Variants in CCL17 observed in about 807,000 individuals in gnomAD.
CCL17 encodes the protein C-C motif chemokine 17.
Under a neutral mutation model 7.4 loss-of-function variants are expected in CCL17, and 8 were observed. The observed-to-expected ratio is 1.09, with a 90% CI of 0.64 to 1.96. The LOEUF is 1.96. Ranked by LOEUF, CCL17 falls within the 30% of genes most tolerant of loss-of-function variation. CCL17 has a pLI of 0.00. For missense variants in CCL17, 102 were observed against 113.0 expected (o/e 0.90, Z 0.44); for synonymous variants, 40 against 46.1 (o/e 0.87, Z 0.54).
chr16:57,401,187 A>G (rs1902586775), upstream of CCL17, among the ~76,000 whole-genome samples: 1 of 152,150 alleles, frequency 6.6e-6, no homozygotes, highest in African/African-American at 2.4e-5. Context: ...CAAGATGTGG[A>G]AGTATAGATA....
the CCL17 span, among the ~76,000 whole-genome samples, chr16:57,397,978 A>AT: frequency 2.0e-5 from 3 of 152,190 alleles, no homozygotes; most frequent in African/African-American, 7.2e-5. Context: ...CTTGGGTGGC[A>AT]TAAGTCTGGG....
chr16:57,398,588 C>G, the CCL17 span, among the ~76,000 whole-genome samples: 1 of 151,846 alleles, frequency 6.6e-6, no homozygotes, highest in Non-Finnish European at 1.5e-5. Context: ...CCAAGGAACC[C>G]CTGCAACTGT....
intron 1 of CCL17, among the ~76,000 whole-genome samples, chr16:57,405,397 G>A (rs1450160174): frequency 6.6e-6 from 1 of 152,238 alleles, no homozygotes; most frequent in Non-Finnish European, 1.5e-5. Flanking sequence ...CTGATGTAAT[G>A]TGGGGGATGG....
At position 57,415,910 on chromosome 16, in the gene CCL17, C is replaced by G. The variant is rs1902863004; in HGVS notation, c.*49C>G. Reference sequence around the variant, plus strand: ...ACTGTCTCCCGGGACTACCTGGGACCTCCACCGTTGGTGTTCACCGCCCCC... The same window carrying G: ...ACTGTCTCCCGGGACTACCTGGGACGTCCACCGTTGGTGTTCACCGCCCCC... On this transcript the variant is annotated 3_prime_UTR_variant, in exon 4 of 4. Transcript: ENST00000219244. This position sits in a 1 kb window ranked among gnomAD's most constrained non-coding sequence, Gnocchi z 4.5. 7.9e-7 allele frequency: 1 copy of G among 1,272,876 alleles called. No homozygotes were observed. Among genetic ancestry groups the G allele is most frequent in the Non-Finnish European group, 1.1e-6 (1 of 870,536 alleles). The allele number at this position is 1,272,876 out of a possible 1,614,324, so 78.8% of individuals were successfully genotyped here. A position where few individuals can be genotyped will look rare whatever the true frequency, so the allele number is the denominator to read the frequency against.
rs556369590 is a variant in CCL17 at position 57,413,678 on chromosome 16, G to A, written c.-59-196G>A. Among the ~76,000 whole-genome samples, 16 of 152,272 alleles carry A rather than the reference G, an allele frequency of 1.1e-4. No homozygotes were observed. The South Asian group carries it at 3.1e-3, about 30-fold the overall frequency. On this transcript the variant is annotated intron_variant, in intron 1 of 3. Coordinates refer to ENST00000219244, the MANE Select transcript of CCL17 (RefSeq NM_002987.3). ...TCACTGCCATGGGCTCTAGACACAT[G>A]TACCCCACCTCTGTCTCCAGTTGAG...
rs375242447 is a variant in CCL17, at chr16:57,413,998, C to T, written c.66C>T (p.His22=). 70 of 1,611,052 alleles carry T rather than the reference C, an allele frequency of 4.3e-5. No individual in the cohort carries two copies. In the East Asian group the frequency reaches 4.7e-4, roughly 11 times the overall value. The part of the protein sequence containing the change: ...LLLGASLQHI[H]AARGTNVGRE... ...TGGGGGCTTCTCTGCAGCACATCCA[C>T]GCAGGTGAGAGCAGGGGACAGGTGG... The change falls in exon 2 of 4, where the codon CAC becomes CAT. Residue 22 remains histidine (H), a synonymous_variant. Coordinates refer to ENST00000219244, the MANE Select transcript of CCL17 (RefSeq NM_002987.3).
the CCL17 span, among the ~76,000 whole-genome samples, chr16:57,397,234 C>T: frequency 6.6e-6 from 1 of 152,214 alleles, no homozygotes; most frequent in Admixed American, 6.5e-5. Flanking sequence ...GACTACTTGT[C>T]GGATGGTCCG....
chr16:57,415,163 C>T lies in CCL17; in HGVS notation c.153C>T (p.Tyr51=), dbSNP rs766716377. 19 of 1,613,272 alleles carry T rather than the reference C, an allele frequency of 1.2e-5. No individual in the cohort carries two copies. The East Asian group carries it at 4.2e-4, about 36-fold the overall frequency. The stretch of plus-strand genomic sequence containing the variant: ...CCCTTAGAAAGCTGAAGACGTGGTA[C>T]CAGACATCTGAGGACTGCTCCAGGG... The part of the protein sequence containing the change: ...AIPLRKLKTW[Y]QTSEDCSRDA... Residue 51 remains tyrosine, a synonymous_variant, in exon 3 of 4, where the codon TAC becomes TAT. Transcript: ENST00000219244. The surrounding 1 kb of genome is among the most constrained non-coding windows in gnomAD (Gnocchi z 4.5).
chr16:57,410,423 A>G lies in CCL17; in HGVS notation c.-59-3451A>G, dbSNP rs138431182. On this transcript the variant is annotated intron_variant, in intron 1 of 3. Transcript: ENST00000219244. ...CCACTCAGATCCAATTACCCTTCAC[A>G]CTCTCCTAATAGGCCTAACAGTGTC... Among the ~76,000 whole-genome samples the G allele has an allele frequency of 2.6e-5, 4 of 151,352 alleles. No homozygotes were observed. The East Asian group carries it at 7.8e-4, about 30-fold the overall frequency.
Position 57,415,621 on chromosome 16 carries a change from T to A in CCL17, c.189-144T>A. 1.6e-6 allele frequency: 1 copy of A among 624,844 alleles called. No individual in the cohort carries two copies. The highest frequency in any genetic ancestry group is 2.9e-6 in the Non-Finnish European group (1 of 343,378). The allele number at this position is 624,844 out of a possible 1,614,324, so 38.7% of individuals were successfully genotyped here. A position where few individuals can be genotyped will look rare whatever the true frequency, so the allele number is the denominator to read the frequency against. The stretch of plus-strand genomic sequence containing the variant: ...GGGACAGAGCCTGAAGTCCCAGATC[T>A]GCCACCAATGCCCTGTGTGACAGCA... On this transcript the variant is annotated intron_variant, in intron 3 of 3. Coordinates refer to ENST00000219244, the MANE Select transcript of CCL17 (RefSeq NM_002987.3). This position sits in a 1 kb window ranked among gnomAD's most constrained non-coding sequence, Gnocchi z 4.5.
chr16:57,410,757 T>C (rs943802395), intron 1 of CCL17, among the ~76,000 whole-genome samples: 1 of 152,188 alleles, frequency 6.6e-6, no homozygotes, highest in Non-Finnish European at 1.5e-5. Flanking sequence ...ATGTCCCTGG[T>C]CCCCGCTGCC....
rs570762119 is a variant in CCL17 at position 57,415,781 on chromosome 16, G to A, written c.205G>A (p.Gly69Ser). The A allele has an allele frequency of 5.2e-5, 84 of 1,611,816 alleles. No individual in the cohort carries two copies. In the Admixed American group the frequency reaches 1.0e-3, roughly 20 times the overall value. Residue 69 changes from glycine to serine, a missense_variant, in exon 4 of 4, where the codon GGC (glycine) becomes AGC (serine). Physicochemically the swap from Gly to Ser is moderately conservative, Grantham distance 56 (BLOSUM62 0). Transcript: ENST00000219244. This position sits in a 1 kb window ranked among gnomAD's most constrained non-coding sequence, Gnocchi z 4.5. The stretch of plus-strand genomic sequence containing the variant: ...TCTGTGTAGTTTTGTAACTGTGCAG[G>A]GCAGGGCCATCTGTTCGGACCCCAA... ...RDAIVFVTVQ[G>S]RAICSDPNNK... is the part of the protein sequence containing the mutation.
In CCL17 at chr16:57,413,898, T is replaced by G; in HGVS notation, c.-35T>G. ...GGGTGTCTCCCTGAGCAGAGGGACCTGCACACAGAGACTCCCTCCTGGGCT... is the reference window on the plus strand; with the variant it reads ...GGGTGTCTCCCTGAGCAGAGGGACCGGCACACAGAGACTCCCTCCTGGGCT... On this transcript the variant is annotated 5_prime_UTR_variant, in exon 2 of 4. Transcript: ENST00000219244. 6.3e-7 allele frequency: 1 copy of G among 1,577,062 alleles called. No individual in the cohort carries two copies. The highest frequency in any genetic ancestry group is 8.6e-7 in the Non-Finnish European group (1 of 1,158,168).
At chr16:57,408,238 A>G (rs1352583515) in intron 1 of CCL17, among the ~76,000 whole-genome samples, 2 of 151,376 alleles carry the variant, frequency 1.3e-5, no homozygotes, top group African/African-American at 2.4e-5. Context: ...CCATCCATCC[A>G]TCCGTCCATT....
intron 1 of CCL17, among the ~76,000 whole-genome samples, chr16:57,409,389 G>A (rs1902749413): frequency 6.6e-6 from 1 of 152,222 alleles, no homozygotes; most frequent in African/African-American, 2.4e-5. Flanking sequence ...TATAGTGGGT[G>A]ATGGAGCTGG....
At chr16:57,397,586 G>GT in the CCL17 span, among the ~76,000 whole-genome samples, 42 of 152,138 alleles carry the variant, frequency 2.8e-4, no homozygotes, top group Non-Finnish European at 4.0e-4. Flanking sequence ...CTTCAGCAGT[G>GT]TAAGACTGCC....
chr16:57,404,986 C>G (rs1237896072), intron 1 of CCL17, 150 bp downstream of exon 1: 1 of 154,238 alleles, frequency 6.5e-6, no homozygotes, highest in Non-Finnish European at 1.5e-5. Flanking sequence ...AGTTTGGAAG[C>G]AGCAAACCAA....
upstream of CCL17, among the ~76,000 whole-genome samples, chr16:57,402,588 T>C (rs1412227600): frequency 1.3e-5 from 2 of 152,168 alleles, no homozygotes; most frequent in Non-Finnish European, 2.9e-5. Context: ...CAGGGGACCA[T>C]AGACCTGCCT....
In CCL17 at chr16:57,415,044, A is replaced by G. The variant is rs201328573; in HGVS notation, c.71-37A>G. The G allele has an allele frequency of 1.5e-6, 2 of 1,377,758 alleles. No individual in the cohort carries two copies. Among genetic ancestry groups the G allele is most frequent in the Non-Finnish European group, 2.1e-6 (2 of 965,204 alleles). 85.3% of individuals were successfully genotyped at this position (1,377,758 alleles called of 1,614,324 possible). ...AGGTCCCCGCAACACACACGCAGAC[A>G]CTCACAGACACCCCTGCCCCGCTCC... On this transcript the variant is annotated intron_variant, in intron 2 of 3. Coordinates refer to ENST00000219244, the MANE Select transcript of CCL17 (RefSeq NM_002987.3). The surrounding 1 kb of genome is among the most constrained non-coding windows in gnomAD (Gnocchi z 4.5).
Sources: gnomAD v4.1 joint callset for allele counts (sites outside exome capture counted in the v4.1 genomes callset) on GRCh38, gnomAD v4.1.1 for gene constraint, Gnocchi (gnomAD v3.1) non-coding constraint, MANE v1.5 for transcripts, NCBI Gene and HGNC (gene_info 2026-07-23, HGNC 2026-07-21) for gene names.